The following LZTFL1 variants were observed in gnomAD, a reference collection of about 807,000 sequenced individuals.
LZTFL1 encodes the protein leucine zipper transcription factor like 1.
Under a neutral mutation model 45.9 loss-of-function variants are expected in LZTFL1, and 25 were observed. The ratio of observed to expected loss-of-function variants is 0.54; its 90% CI spans 0.40 to 0.76. The LOEUF is 0.76. Ranked by LOEUF, LZTFL1 falls within the 30% of genes least tolerant of loss-of-function variation. The pLI is 0.00. For synonymous variants in LZTFL1, 93 were observed against 117.4 expected, an observed-to-expected ratio of 0.79 and a Z score of 1.35; for missense variants, 277 against 331.1, an observed-to-expected ratio of 0.84 and a Z score of 1.27.
chr3:45,852,243 A>AT (rs1413677544), intron 4 of LZTFL1, among the ~76,000 whole-genome samples: 2 of 152,214 alleles, frequency 1.3e-5, no homozygotes, highest in Non-Finnish European at 2.9e-5. Context: ...CTAGTATGAC[A>AT]TTTTTTGGAG....
At chr3:45,843,491 T>G (rs2125696631), upstream of LZTFL1, among the ~76,000 whole-genome samples, 1 of 152,358 alleles carries the variant, frequency 6.6e-6, no homozygotes. Context: ...GGTCATCAGC[T>G]TGCACTGCTG....
intron 4 of LZTFL1, chr3:45,854,954 T>A (rs1197506709): frequency 6.9e-7 from 1 of 1,449,702 alleles, no homozygotes; most frequent in East Asian, 2.5e-5. Context: ...CAAAACATAA[T>A]TATAATATGT....
intron 2 of LZTFL1, among the ~76,000 whole-genome samples, chr3:45,866,122 T>G (rs1701574292): frequency 6.6e-6 from 1 of 152,098 alleles, no homozygotes; most frequent in Non-Finnish European, 1.5e-5. Context: ...TGGTTGAATG[T>G]GGCGAGGGGT....
At position 45,906,183 on chromosome 3, in the gene LZTFL1, C is replaced by CT. The variant is rs1559429682; in HGVS notation, c.-215+6936_-215+6937insA. Among the ~76,000 whole-genome samples the CT allele has an allele frequency of 9.2e-5, 14 of 152,240 alleles. No individual in the cohort carries two copies. In the East Asian group the frequency reaches 2.7e-3, roughly 29 times the overall value. ...GCAGGAGATCCATAGTGTGGTTGGG[C>CT]GCCAGTCACAGAACTCCTCTGAGAA... On this transcript the variant is annotated intron_variant, in intron 2 of 4. Coordinates refer to the LZTFL1 transcript ENST00000472635.
At chr3:45,880,553 G>A (rs867337372) in intron 2 of LZTFL1, among the ~76,000 whole-genome samples, 5 of 152,108 alleles carry the variant, frequency 3.3e-5, no homozygotes, top group Non-Finnish European at 2.9e-5. Context: ...CCTTTGGGTA[G>A]CTTTCTGTAC....
chr3:45,840,020 C>T (rs1356272650), intron 1 of LZTFL1, among the ~76,000 whole-genome samples: 1 of 152,122 alleles, frequency 6.6e-6, no homozygotes, highest in Non-Finnish European at 1.5e-5. Flanking sequence ...TCAGGTCTTG[C>T]TCTTCCAAGT....
chr3:45,842,373 T>C (rs1701144585), upstream of LZTFL1, among the ~76,000 whole-genome samples: 1 of 152,226 alleles, frequency 6.6e-6, no homozygotes, highest in African/African-American at 2.4e-5. Context: ...CGTCCGCTTA[T>C]GGATTGTTGG....
chr3:45,879,151 T>A (rs1701805847), intron 2 of LZTFL1, among the ~76,000 whole-genome samples: 1 of 152,212 alleles, frequency 6.6e-6, no homozygotes, highest in African/African-American at 2.4e-5. Flanking sequence ...GCAATCGTGC[T>A]TCTCAGTATG....
chr3:45,915,296 T>A (rs1489814213), intron 1 of LZTFL1: 2 of 305,580 alleles, frequency 6.5e-6, no homozygotes, highest in Non-Finnish European at 6.7e-6. Flanking sequence ...CTGTTACCCC[T>A]CTTTTCTCAT....
Position 45,826,249 on chromosome 3 carries a change from T to C in LZTFL1, c.*65A>G. ...GGATATGACAAAATGCTTTTCAAAATACATGCCTGAGGTGAGACTGCTTGT... is the reference window on the plus strand; with the variant it reads ...GGATATGACAAAATGCTTTTCAAAACACATGCCTGAGGTGAGACTGCTTGT... On this transcript the variant is annotated 3_prime_UTR_variant, in exon 10 of 10. Transcript: ENST00000296135. 6 of 1,440,406 alleles carry C rather than the reference T, an allele frequency of 4.2e-6. No individual in the cohort carries two copies. The highest frequency in any genetic ancestry group is 5.8e-6 in the Non-Finnish European group (6 of 1,030,498). 89.2% of individuals were successfully genotyped at this position (1,440,406 alleles called of 1,614,324 possible).
intron 1 of LZTFL1, 169 bp downstream of exon 1, chr3:45,841,820 G>C (rs377216297): frequency 1.1e-5 from 9 of 838,508 alleles, no homozygotes; most frequent in East Asian, 8.0e-5. Context: ...CTTGGGCTGC[G>C]GTTAACCGAA....
chr3:45,838,423 C>T (rs1050868948), intron 1 of LZTFL1, among the ~76,000 whole-genome samples: 8 of 152,194 alleles, frequency 5.3e-5, no homozygotes, highest in Non-Finnish European at 8.8e-5. Flanking sequence ...AAGGGCCCCA[C>T]GTCTCTACCT....
intron 5 of LZTFL1, among the ~76,000 whole-genome samples, chr3:45,831,906 A>G (rs1049721552): frequency 6.6e-6 from 1 of 152,148 alleles, no homozygotes; most frequent in African/African-American, 2.4e-5. Flanking sequence ...TCTGGTCTCT[A>G]TTTCTAGAAC....
At chr3:45,877,692 G>C (rs1391632900) in intron 2 of LZTFL1, among the ~76,000 whole-genome samples, 1 of 151,136 alleles carries the variant, frequency 6.6e-6, no homozygotes, top group Non-Finnish European at 1.5e-5. Flanking sequence ...AGTAATCTGA[G>C]TCCTGTGATG....
chr3:45,915,608 C>A, exon 1 of LZTFL1: 1 of 435,198 alleles, frequency 2.3e-6, no homozygotes, highest in Non-Finnish European at 4.6e-6. Context: ...TTGGTAAGGA[C>A]ACTCATGCAT....
chr3:45,824,797 C>G lies in LZTFL1; in HGVS notation c.*1517G>C, dbSNP rs532907949. On this transcript the variant is annotated 3_prime_UTR_variant, in exon 10 of 10. Transcript: ENST00000296135. ...TTTTGGAGAGAGTGTCAATTTAGGG[C>G]TAAAGAAATACAGGGTGAGAATGAA... The G allele has an allele frequency of 1.0e-5, 4 of 398,166 alleles. No individual in the cohort carries two copies. The highest frequency in any genetic ancestry group is 8.2e-5 in the African/African-American group (4 of 48,672). 24.7% of individuals were successfully genotyped at this position (398,166 alleles called of 1,614,324 possible).
chr3:45,867,962 G>A (rs1701604811), intron 2 of LZTFL1, among the ~76,000 whole-genome samples: 1 of 151,434 alleles, frequency 6.6e-6, no homozygotes, highest in African/African-American at 2.4e-5. Flanking sequence ...GGATTCAAGG[G>A]CAGCAATTTT....
At chr3:45,913,134 C>T in exon 2 of LZTFL1, 1 of 1,535,996 alleles carries the variant, frequency 6.5e-7, no homozygotes. Flanking sequence ...TTCCCTGGGT[C>T]TTGGTTCCTC....
At chr3:45,915,649 A>T (rs565777666), upstream of LZTFL1, 27 of 384,774 alleles carry the variant, frequency 7.0e-5, no homozygotes, top group African/African-American at 5.4e-4. Context: ...TAGCTAAAAA[A>T]GACTTAATTC....
Sources: allele counts gnomAD v4.1 joint callset (sites outside exome capture counted in the v4.1 genomes callset), GRCh38; gene constraint gnomAD v4.1.1; transcripts MANE v1.5; gene names NCBI Gene and HGNC (gene_info 2026-07-23, HGNC 2026-07-21).